Variants in AGBL1 observed in about 807,000 individuals in gnomAD.
AGBL1 encodes the protein cytosolic carboxypeptidase 4.
AGBL1 carries 130 observed loss-of-function variants against 118.9 expected under a neutral mutation model. The observed-to-expected ratio is 1.09, with a 90% CI of 0.95 to 1.26. The LOEUF (loss-of-function observed/expected upper bound fraction) is 1.26. AGBL1 is among the 50% of genes most tolerant of loss of function. The pLI is 0.00. For missense variants in AGBL1, 1,584 were observed against 1,298.1 expected, an observed-to-expected ratio of 1.22 and a Z score of -3.38; for synonymous variants, 555 against 478.9, an observed-to-expected ratio of 1.16 and a Z score of -2.08.
At chr15:86,929,075 G>T (rs1205557409) in intron 23 of AGBL1, among the ~76,000 whole-genome samples, 1 of 152,050 alleles carries the variant, frequency 6.6e-6, no homozygotes, top group Non-Finnish European at 1.5e-5. Flanking sequence ...AGGCTGGAGT[G>T]CAGTGTTTAT....
chr15:86,522,669 A>G (rs929030995), intron 18 of AGBL1, 141 bp from the exon 19 acceptor site: 3 of 1,056,990 alleles, frequency 2.8e-6, no homozygotes, highest in African/African-American at 1.6e-5. Context: ...CTTTCTAGAC[A>G]TCTGAAATTG....
intron 21 of AGBL1, among the ~76,000 whole-genome samples, chr15:86,659,742 G>C (rs1157741146): frequency 1.3e-5 from 2 of 152,114 alleles, no homozygotes; most frequent in Non-Finnish European, 2.9e-5. Context: ...AACTGGAAAA[G>C]GTTTCATTAA....
intron 18 of AGBL1, among the ~76,000 whole-genome samples, chr15:86,489,288 G>A (rs943902556): frequency 6.6e-6 from 1 of 152,068 alleles, no homozygotes; most frequent in Non-Finnish European, 1.5e-5. Context: ...ATAAAAATAT[G>A]CCTAGGCAAT....
At chr15:86,194,654 C>T (rs1175450414) in intron 5 of AGBL1, among the ~76,000 whole-genome samples, 1 of 152,142 alleles carries the variant, frequency 6.6e-6, no homozygotes, top group Non-Finnish European at 1.5e-5. Context: ...AGCCAACAGG[C>T]AAGATATATC....
chr15:86,715,065 G>A (rs562868827), intron 22 of AGBL1, among the ~76,000 whole-genome samples: 3 of 152,268 alleles, frequency 2.0e-5, no homozygotes, highest in East Asian at 3.9e-4. Flanking sequence ...ACTTTTGCTG[G>A]CCCAGACGTG....
intron 21 of AGBL1, among the ~76,000 whole-genome samples, chr15:86,628,776 A>T (rs918438580): frequency 2.0e-5 from 3 of 152,122 alleles, no homozygotes; most frequent in Non-Finnish European, 4.4e-5. Context: ...AGCCTGGGAG[A>T]CAGTGAGACT....
At chr15:86,388,227 C>A (rs2081226077) in intron 17 of AGBL1, among the ~76,000 whole-genome samples, 1 of 152,126 alleles carries the variant, frequency 6.6e-6, no homozygotes, top group Non-Finnish European at 1.5e-5. Context: ...GCCGTGATTA[C>A]CTGCACTTTC....
chr15:86,991,643 G>C (rs2081336640), intron 24 of AGBL1, among the ~76,000 whole-genome samples: 2 of 152,122 alleles, frequency 1.3e-5, no homozygotes, highest in South Asian at 4.2e-4. Context: ...ACTAGGATTT[G>C]AGCCTGGATG....
At chr15:86,729,653 C>T (rs1028941658) in intron 22 of AGBL1, among the ~76,000 whole-genome samples, 16 of 152,118 alleles carry the variant, frequency 1.1e-4, no homozygotes, top group African/African-American at 2.2e-4. Flanking sequence ...GCATATGTAC[C>T]GCATTTTGTC....
intron 1 of AGBL1, among the ~76,000 whole-genome samples, chr15:86,102,809 G>A (rs974705711): frequency 2.2e-4 from 33 of 152,158 alleles, no homozygotes; most frequent in African/African-American, 8.0e-4. Context: ...TAAGCTTTCT[G>A]TATCTGGATG....
At chr15:86,385,537 C>T (rs2141968757) in intron 17 of AGBL1, among the ~76,000 whole-genome samples, 1 of 152,306 alleles carries the variant, frequency 6.6e-6, no homozygotes, top group South Asian at 2.1e-4. Flanking sequence ...TTCTGAAAGG[C>T]TTAAATTATT....
intron 17 of AGBL1, among the ~76,000 whole-genome samples, chr15:86,382,969 C>T (rs1331722515): frequency 6.6e-6 from 1 of 152,136 alleles, no homozygotes; most frequent in Non-Finnish European, 1.5e-5. Context: ...AGTAACCTAG[C>T]TATAGAAATT....
chr15:86,674,659 A>G (rs893603669), intron 22 of AGBL1, among the ~76,000 whole-genome samples: 2 of 152,174 alleles, frequency 1.3e-5, no homozygotes, highest in Non-Finnish European at 2.9e-5. Context: ...GTATTTATAC[A>G]TATTTCTAGG....
At chr15:86,222,809 G>A (rs12324125) in intron 5 of AGBL1, among the ~76,000 whole-genome samples, 2,811 of 152,220 alleles carry the variant, frequency 0.018, 90 homozygotes, top group African/African-American at 0.065. Flanking sequence ...CATATTATTA[G>A]GTACTTTCTA....
At chr15:86,927,550 G>A (rs2080557746) in intron 23 of AGBL1, among the ~76,000 whole-genome samples, 1 of 152,088 alleles carries the variant, frequency 6.6e-6, no homozygotes, top group African/African-American at 2.4e-5. Context: ...TCATACTACT[G>A]CACTCCAACC....
intron 1 of AGBL1, among the ~76,000 whole-genome samples, chr15:86,134,658 G>T (rs1015152641): frequency 4.9e-5 from 7 of 141,954 alleles, no homozygotes; most frequent in Non-Finnish European, 3.0e-5. Context: ...CTGTCGCCCA[G>T]GCTGGAGTGC....
chr15:86,724,316 A>G (rs1208552802), intron 22 of AGBL1, among the ~76,000 whole-genome samples: 2 of 151,628 alleles, frequency 1.3e-5, no homozygotes, highest in Admixed American at 1.3e-4. Flanking sequence ...AACATCGGCA[A>G]TAAGGAAACC....
chr15:86,680,089 T>C (rs977430149), intron 22 of AGBL1, among the ~76,000 whole-genome samples: 2 of 152,202 alleles, frequency 1.3e-5, no homozygotes, highest in African/African-American at 4.8e-5. Context: ...CTGTGTTCTA[T>C]TTATTTGAAA....
intron 22 of AGBL1, among the ~76,000 whole-genome samples, chr15:86,902,471 T>C (rs1209997864): frequency 6.6e-6 from 1 of 152,122 alleles, no homozygotes; most frequent in Non-Finnish European, 1.5e-5. Context: ...AAAAGAAAAA[T>C]CTATGTATTT....
Sources: allele counts gnomAD v4.1 joint callset (sites outside exome capture counted in the v4.1 genomes callset), GRCh38; gene constraint gnomAD v4.1.1; transcripts MANE v1.5; gene names NCBI Gene and HGNC (gene_info 2026-07-23, HGNC 2026-07-21).